ZFHX3: variants seen among roughly 807,000 people sequenced by gnomAD.
The protein encoded by ZFHX3 is zinc finger homeobox protein 3.
In ZFHX3, 42 loss-of-function variants were observed where a neutral mutation model predicts 279.1. The ratio of observed to expected loss-of-function variants is 0.15; its 90% CI spans 0.12 to 0.19. The LOEUF (loss-of-function observed/expected upper bound fraction) is 0.19, where lower values mean the gene tolerates loss of function less well. ZFHX3 is among the 10% of genes least tolerant of loss of function. ZFHX3 has a pLI of 1.00. For synonymous variants in ZFHX3, 2,293 were observed against 1,957.8 expected, an observed-to-expected ratio of 1.17 and a Z score of -4.52; for missense variants, 4,981 against 4,754.0, an observed-to-expected ratio of 1.05 and a Z score of -1.40.
At chr16:73,755,845 C>T (rs1158307774) in intron 1 of ZFHX3, among the ~76,000 whole-genome samples, 5 of 152,212 alleles carry the variant, frequency 3.3e-5, no homozygotes, top group Admixed American at 2.0e-4. Flanking sequence ...GAAAGACCTA[C>T]TTGGAGCAGA....
chr16:73,399,658 C>T (rs60425546), intron 3 of ZFHX3, among the ~76,000 whole-genome samples: 1,550 of 152,236 alleles, frequency 0.01, 18 homozygotes, highest in African/African-American at 0.034. Context: ...CCGTGGTTAC[C>T]TCCACTGCCT....
At chr16:73,802,017 A>G (rs1960160025) in intron 1 of ZFHX3, among the ~76,000 whole-genome samples, 1 of 152,178 alleles carries the variant, frequency 6.6e-6, no homozygotes. Context: ...ATGCATCCTG[A>G]AGTCATCCTT....
chr16:73,241,620 G>A (rs1410010713), intron 5 of ZFHX3, among the ~76,000 whole-genome samples: 9 of 151,828 alleles, frequency 5.9e-5, no homozygotes, highest in Admixed American at 2.0e-4. Context: ...GAGAAACCCC[G>A]TCTCTACTAA....
intron 5 of ZFHX3, among the ~76,000 whole-genome samples, chr16:73,254,986 T>A (rs1020745704): frequency 1.3e-5 from 2 of 150,484 alleles, no homozygotes; most frequent in Non-Finnish European, 2.9e-5. Flanking sequence ...TTCCCTAGTG[T>A]CAGGAACTAT....
intron 1 of ZFHX3, among the ~76,000 whole-genome samples, chr16:73,046,966 G>A (rs1567649473): frequency 1.3e-5 from 2 of 152,162 alleles, no homozygotes; most frequent in Admixed American, 6.5e-5. Flanking sequence ...TTTAACACAG[G>A]AGGTACCACT....
At chr16:73,817,933 G>A (rs747715462) in intron 1 of ZFHX3, among the ~76,000 whole-genome samples, 5 of 152,208 alleles carry the variant, frequency 3.3e-5, no homozygotes, top group African/African-American at 1.2e-4. Context: ...ATTCAACCAC[G>A]GCCTGCACTA....
chr16:73,177,516 A>G (rs923763698), intron 5 of ZFHX3, among the ~76,000 whole-genome samples: 3 of 152,262 alleles, frequency 2.0e-5, no homozygotes. Context: ...CCGCAAGAAC[A>G]TAGGTATCCC....
chr16:73,285,598 G>A (rs1016113040), intron 4 of ZFHX3, among the ~76,000 whole-genome samples: 1 of 152,186 alleles, frequency 6.6e-6, no homozygotes, highest in Admixed American at 6.5e-5. Context: ...AGAAACCTCT[G>A]CGTAAAGACC....
rs776859996 is a variant in ZFHX3 at position 73,125,576 on chromosome 16, T to C, written c.-897+5392A>G. On this transcript the variant is annotated intron_variant, in intron 7 of 17. Transcript: ENST00000641206. ...ATCAGCTGCCAGTGCAGCTAGAATA[T>C]AAGCAGGCAGAAAAATGTGAAGAGA... Among the ~76,000 whole-genome samples, 83 of 152,148 alleles carry C rather than the reference T, an allele frequency of 5.5e-4. 1 individual carries two copies. Among genetic ancestry groups the C allele is most frequent in the Middle Eastern group, 6.8e-3 (2 of 294 alleles).
At chr16:72,929,829 C>T (rs1364506396) in intron 3 of ZFHX3, among the ~76,000 whole-genome samples, 1 of 152,256 alleles carries the variant, frequency 6.6e-6, no homozygotes, top group Non-Finnish European at 1.5e-5. Context: ...GAGACCGCAT[C>T]AATTATGCTG....
intron 2 of ZFHX3, chr16:73,609,399 T>G (rs1486797558): frequency 6.6e-6 from 1 of 152,172 alleles, no homozygotes; most frequent in Non-Finnish European, 1.5e-5. Context: ...AATAAAGGGA[T>G]CAATTTAAAG....
intron 3 of ZFHX3, among the ~76,000 whole-genome samples, chr16:73,446,571 A>G (rs575993651): frequency 5.7e-4 from 87 of 152,322 alleles, no homozygotes; most frequent in African/African-American, 2.1e-3. Flanking sequence ...TCAAAATGAG[A>G]TTTGAGTGGG....
At chr16:73,564,641 T>A (rs78814558) in intron 2 of ZFHX3, among the ~76,000 whole-genome samples, 8,388 of 152,136 alleles carry the variant, frequency 0.055, 372 homozygotes, top group Admixed American at 0.13. Flanking sequence ...CCCCCTGTAT[T>A]CTATAATCAG....
intron 1 of ZFHX3, among the ~76,000 whole-genome samples, chr16:73,822,149 G>T (rs1960762289): frequency 6.6e-6 from 1 of 152,164 alleles, no homozygotes. Flanking sequence ...TGGATCCAAT[G>T]CCAGCCCAGG....
intron 1 of ZFHX3, among the ~76,000 whole-genome samples, chr16:73,801,674 C>A (rs1460666421): frequency 1.3e-5 from 2 of 152,216 alleles, no homozygotes; most frequent in African/African-American, 4.8e-5. Context: ...AAGCGTGGCT[C>A]TGAATTACCT....
intron 2 of ZFHX3, among the ~76,000 whole-genome samples, chr16:73,664,180 G>C (rs73605089): frequency 0.014 from 2,096 of 152,166 alleles, 54 homozygotes; most frequent in African/African-American, 0.048. Context: ...TCACCTAGGA[G>C]GGCAACGTAA....
chr16:73,116,166 C>T (rs1966431011), intron 7 of ZFHX3, among the ~76,000 whole-genome samples: 1 of 152,008 alleles, frequency 6.6e-6, no homozygotes, highest in African/African-American at 2.4e-5. Flanking sequence ...ACTGCTTCAT[C>T]CTGCCTTTAG....
chr16:73,061,858 G>A (rs920230608), upstream of ZFHX3: 3 of 152,084 alleles, frequency 2.0e-5, no homozygotes, highest in African/African-American at 4.8e-5. Flanking sequence ...AAAACGGTGC[G>A]GAGGAAGTCA....
At chr16:73,416,668 T>C (rs2017588125) in intron 3 of ZFHX3, among the ~76,000 whole-genome samples, 1 of 151,994 alleles carries the variant, frequency 6.6e-6, no homozygotes, top group Admixed American at 6.6e-5. Context: ...GGTCAGGAGA[T>C]CGAGACCATC....
Sources: allele counts gnomAD v4.1 joint callset (sites outside exome capture counted in the v4.1 genomes callset), GRCh38; gene constraint gnomAD v4.1.1; transcripts MANE v1.5; gene names NCBI Gene and HGNC (gene_info 2026-07-23, HGNC 2026-07-21).